Variants in BTBD9 observed in about 807,000 individuals in gnomAD.
BTBD9 encodes BTB domain containing 9, also known as BTB/POZ domain-containing protein 9.
BTBD9 carries 49 observed loss-of-function variants against 64.3 expected under a neutral mutation model. The observed-to-expected ratio is 0.76, with a 90% CI of 0.61 to 0.97. The LOEUF is 0.97. Ranked by LOEUF, BTBD9 falls within the 50% of genes least tolerant of loss-of-function variation. The probability of loss-of-function intolerance (pLI) is 0.00; values close to 1 mark genes in which losing one functional copy is unlikely to be tolerated. For missense variants in BTBD9, 598 were observed against 762.1 expected (o/e 0.78, Z 2.53); for synonymous variants, 260 against 274.7 (o/e 0.95, Z 0.53).
intron 8 of BTBD9, among the ~76,000 whole-genome samples, chr6:38,285,229 C>A (rs1432370362): frequency 6.6e-6 from 1 of 152,008 alleles, no homozygotes. Context: ...AACTATTGTG[C>A]AACTATGGTA....
intron 1 of BTBD9, among the ~76,000 whole-genome samples, chr6:38,606,079 A>G (rs1405971122): frequency 2.0e-5 from 3 of 152,132 alleles, no homozygotes; most frequent in Non-Finnish European, 2.9e-5. Context: ...TCAGACCCCA[A>G]GTTCTTCAGC....
intron 9 of BTBD9, among the ~76,000 whole-genome samples, chr6:38,209,654 G>GATT (rs1762766103): frequency 6.6e-6 from 1 of 152,152 alleles, no homozygotes; most frequent in Admixed American, 6.5e-5. Context: ...TTCCTCAGGT[G>GATT]ATTTCAATGT....
At chr6:38,587,300 G>C (rs1026121129) in intron 4 of BTBD9, 7 of 403,508 alleles carry the variant, frequency 1.7e-5, no homozygotes, top group Admixed American at 3.0e-5. Context: ...GGGTTGTATA[G>C]ATAGAACATC....
intron 9 of BTBD9, among the ~76,000 whole-genome samples, chr6:38,198,101 G>A (rs1301444121): frequency 1.1e-4 from 17 of 152,154 alleles, no homozygotes; most frequent in Admixed American, 1.1e-3. Flanking sequence ...GTGAGCAAAT[G>A]TTTTATTATT....
rs1023185707 is a variant in BTBD9 at position 38,475,391 on chromosome 6, T to C, written c.1154+102209A>G. Among the ~76,000 whole-genome samples the C allele has an allele frequency of 2.6e-5, 4 of 152,214 alleles. No individual in the cohort carries two copies. In the South Asian group the frequency reaches 8.3e-4, roughly 31 times the overall value. Reference sequence around the variant, plus strand: ...CTGTCTCCATCTTTGTTCAAATCTGTGGCTGTGTTTCCTACAGCCCAGCTT... The same window carrying C: ...CTGTCTCCATCTTTGTTCAAATCTGCGGCTGTGTTTCCTACAGCCCAGCTT... On this transcript the variant is annotated intron_variant, in intron 6 of 10. Transcript: ENST00000481247.
chr6:38,229,775 A>G (rs1016819185), intron 9 of BTBD9, among the ~76,000 whole-genome samples: 7 of 152,218 alleles, frequency 4.6e-5, no homozygotes, highest in Non-Finnish European at 8.8e-5. Context: ...CATCACATTT[A>G]TCCCCATTAA....
chr6:38,267,968 C>T (rs1033222431), intron 8 of BTBD9, among the ~76,000 whole-genome samples: 7 of 152,022 alleles, frequency 4.6e-5, no homozygotes, highest in Non-Finnish European at 8.8e-5. Context: ...AAACAAAAAC[C>T]GAAGGAGAAA....
rs550848125 is a variant in BTBD9 at position 38,192,607 on chromosome 6, G to C, written c.1563-10C>G. ...TACTGACTGCCAGGACCTGTGAGAG[G>C]AAACAACCATTTGCCTGATTAGATG... On this transcript the variant is annotated splice_polypyrimidine_tract_variant and intron_variant, in intron 9 of 10. Transcript: ENST00000481247. 6.2e-7 allele frequency: 1 copy of C among 1,612,848 alleles called. No individual in the cohort carries two copies.
chr6:38,601,736 A>T (rs570458544), intron 1 of BTBD9, among the ~76,000 whole-genome samples: 1 of 152,322 alleles, frequency 6.6e-6, no homozygotes, highest in South Asian at 2.1e-4. Context: ...TAAATGGATT[A>T]GGAAACAAAG....
intron 6 of BTBD9, among the ~76,000 whole-genome samples, chr6:38,564,533 AC>A (rs1444352747): frequency 6.6e-6 from 1 of 152,208 alleles, no homozygotes; most frequent in Non-Finnish European, 1.5e-5. Flanking sequence ...CATGTTTGGT[AC>A]TAGTTAGAGA....
chr6:38,248,337 A>C (rs1210470141), intron 9 of BTBD9, among the ~76,000 whole-genome samples: 1 of 152,256 alleles, frequency 6.6e-6, no homozygotes, highest in African/African-American at 2.4e-5. Flanking sequence ...AGGACTACAG[A>C]ATTCTCAAGT....
intron 9 of BTBD9, among the ~76,000 whole-genome samples, chr6:38,225,703 G>A (rs1582078429): frequency 6.6e-6 from 1 of 152,332 alleles, no homozygotes; most frequent in East Asian, 1.9e-4. Flanking sequence ...AGCTTGGCTG[G>A]AAAGGGTCAC....
chr6:38,404,001 T>G (rs1767058657), intron 6 of BTBD9, among the ~76,000 whole-genome samples: 1 of 152,218 alleles, frequency 6.6e-6, no homozygotes, highest in African/African-American at 2.4e-5. Flanking sequence ...ATTGTATGAT[T>G]CCATTTACAT....
intron 1 of BTBD9, among the ~76,000 whole-genome samples, chr6:38,636,941 G>A (rs1778547047): frequency 6.6e-6 from 1 of 152,050 alleles, no homozygotes. Context: ...CCCCTCTCTT[G>A]CCCACAAGAA....
intron 7 of BTBD9, among the ~76,000 whole-genome samples, chr6:38,309,515 C>T (rs898774929): frequency 7.9e-5 from 12 of 151,680 alleles, no homozygotes; most frequent in East Asian, 2.0e-4. Context: ...CTGGTTCAAG[C>T]GATTCTCCTG....
intron 1 of BTBD9, among the ~76,000 whole-genome samples, chr6:38,623,232 T>G (rs888463317): frequency 8.5e-5 from 13 of 152,302 alleles, no homozygotes; most frequent in African/African-American, 3.1e-4. Flanking sequence ...TGCACCTTAG[T>G]CTTCCTAAGT....
At chr6:38,634,461 G>C (rs568775262) in intron 1 of BTBD9, among the ~76,000 whole-genome samples, 2 of 152,110 alleles carry the variant, frequency 1.3e-5, no homozygotes, top group East Asian at 3.9e-4. Context: ...CCAGGAACAG[G>C]GAATATATTA....
chr6:38,307,655 T>C (rs1762674482), intron 7 of BTBD9, among the ~76,000 whole-genome samples: 1 of 152,242 alleles, frequency 6.6e-6, no homozygotes, highest in South Asian at 2.1e-4. Context: ...TTAGCATTAA[T>C]CCAGTATTCT....
intron 6 of BTBD9, among the ~76,000 whole-genome samples, chr6:38,521,682 C>CA (rs1422821923): frequency 6.7e-6 from 1 of 149,150 alleles, no homozygotes; most frequent in Non-Finnish European, 1.5e-5. Context: ...CTCACTACTT[C>CA]TTTTTTTTTT....
Sources: gnomAD v4.1 joint callset for allele counts (sites outside exome capture counted in the v4.1 genomes callset) on GRCh38, gnomAD v4.1.1 for gene constraint, MANE v1.5 for transcripts, NCBI Gene and HGNC (gene_info 2026-07-23, HGNC 2026-07-21) for gene names.